The following HECW1 variants were observed in gnomAD, a reference collection of about 807,000 sequenced individuals.
HECW1 encodes the protein E3 ubiquitin-protein ligase HECW1.
Under a neutral mutation model 182.3 loss-of-function variants are expected in HECW1, and 61 were observed. That is an observed-to-expected ratio of 0.33 (90% CI 0.27 to 0.41). The LOEUF is 0.41. Ranked by LOEUF, HECW1 falls within the 10% of genes least tolerant of loss-of-function variation. The pLI is 1.00. For missense variants in HECW1, 1,739 were observed against 2,108.9 expected (o/e 0.82, Z 3.44); for synonymous variants, 859 against 832.6 (o/e 1.03, Z -0.55).
intron 2 of HECW1, among the ~76,000 whole-genome samples, chr7:43,222,919 T>G (rs1797109229): frequency 6.6e-6 from 1 of 152,214 alleles, no homozygotes; most frequent in Non-Finnish European, 1.5e-5. Flanking sequence ...ACATACATTT[T>G]CATTTCCATC....
At chr7:43,472,431 T>C (rs930933227) in intron 16 of HECW1, among the ~76,000 whole-genome samples, 1 of 152,184 alleles carries the variant, frequency 6.6e-6, no homozygotes, top group Non-Finnish European at 1.5e-5. Flanking sequence ...AACAGAAATC[T>C]TTGTTTTGCT....
In HECW1 at chr7:43,493,246, A is replaced by T. The variant is rs769649740; in HGVS notation, c.3437+66A>T. 6.9e-6 allele frequency: 7 copies of T among 1,008,680 alleles called. No individual in the cohort carries two copies. The Middle Eastern group carries it at 6.3e-4, about 90-fold the overall frequency. 62.5% of individuals were successfully genotyped at this position (1,008,680 alleles called of 1,614,324 possible). A position where few individuals can be genotyped will look rare whatever the true frequency, so the allele number is the denominator to read the frequency against. ...CAGCCATTTTTCCCGGTGGGAAAAC[A>T]CCTCTGTGGAGACAGAGCGGAAGCT... On this transcript the variant is annotated intron_variant, in intron 19 of 29. Coordinates refer to ENST00000395891, the MANE Select transcript of HECW1 (RefSeq NM_015052.5).
At chr7:43,504,939 T>C (rs1264040723) in intron 21 of HECW1, among the ~76,000 whole-genome samples, 1 of 152,186 alleles carries the variant, frequency 6.6e-6, no homozygotes, top group Non-Finnish European at 1.5e-5. Context: ...GGCCACCCAA[T>C]CCAGCGGGCA....
intron 2 of HECW1, among the ~76,000 whole-genome samples, chr7:43,234,205 C>T (rs1323842998): frequency 2.0e-5 from 3 of 152,140 alleles, no homozygotes; most frequent in Admixed American, 6.5e-5. Context: ...TTCACACCAC[C>T]GTGTCTGGCC....
At chr7:43,507,863 C>A (rs570188505) in intron 22 of HECW1, among the ~76,000 whole-genome samples, 155 bp from the exon 23 acceptor site, 1 of 152,262 alleles carries the variant, frequency 6.6e-6, no homozygotes, top group Non-Finnish European at 1.5e-5. Flanking sequence ...TTCAGATAAT[C>A]CCTCGATGAA....
chr7:43,328,678 A>G (rs1350549811), intron 5 of HECW1, among the ~76,000 whole-genome samples: 2 of 152,228 alleles, frequency 1.3e-5, no homozygotes, highest in African/African-American at 4.8e-5. Context: ...ATAACAAAGC[A>G]TGACTGAGCG....
chr7:43,401,181 C>A (rs1364056133), intron 7 of HECW1, among the ~76,000 whole-genome samples: 1 of 152,160 alleles, frequency 6.6e-6, no homozygotes, highest in African/African-American at 2.4e-5. Flanking sequence ...CTGTCTACCG[C>A]AGTCAAGAAG....
At chr7:43,427,496 T>A (rs906359041) in intron 8 of HECW1, among the ~76,000 whole-genome samples, 5 of 152,354 alleles carry the variant, frequency 3.3e-5, no homozygotes, top group Middle Eastern at 3.4e-3. Flanking sequence ...AACAAATAAC[T>A]GCATATTTGT....
At chr7:43,341,626 A>T (rs1813010244) in intron 5 of HECW1, among the ~76,000 whole-genome samples, 1 of 151,856 alleles carries the variant, frequency 6.6e-6, no homozygotes, top group South Asian at 2.1e-4. Flanking sequence ...GCAAATGTGA[A>T]ATTCTTAAAA....
At chr7:43,472,478 G>T (rs574961806) in intron 16 of HECW1, among the ~76,000 whole-genome samples, 12 of 152,172 alleles carry the variant, frequency 7.9e-5, no homozygotes, top group African/African-American at 2.9e-4. Flanking sequence ...ATCGTGCCTA[G>T]TATATAGTTG....
At chr7:43,399,214 T>C (rs2075325862) in intron 7 of HECW1, among the ~76,000 whole-genome samples, 1 of 152,186 alleles carries the variant, frequency 6.6e-6, no homozygotes, top group East Asian at 1.9e-4. Flanking sequence ...GTTTCAAAGG[T>C]AAACCATAAA....
rs7806590 is a variant in HECW1, at chr7:43,318,162, C to A, written c.353-2473C>A. 4.6e-5 allele frequency among the ~76,000 whole-genome samples: 7 copies of A among 152,052 alleles called. 1 individual carries two copies. The highest frequency in any genetic ancestry group is 1.7e-4 in the African/African-American group (7 of 41,522). On this transcript the variant is annotated intron_variant, in intron 4 of 29. Coordinates refer to ENST00000395891, the MANE Select transcript of HECW1 (RefSeq NM_015052.5). ...TGTTATTGTCTATAAATCCCTGACC[C>A]TGACTATTAAAGGGAATATCCCAGT... is the stretch of plus-strand genomic sequence containing the variant.
chr7:43,305,394 T>G (rs1807418051), intron 3 of HECW1, among the ~76,000 whole-genome samples: 1 of 102,050 alleles, frequency 9.8e-6, no homozygotes, highest in Non-Finnish European at 1.7e-5. Context: ...GAATCTCAAT[T>G]ACTGCAATTC....
chr7:43,247,845 G>GAAGA (rs2152723322), intron 3 of HECW1, among the ~76,000 whole-genome samples: 1 of 115,556 alleles, frequency 8.7e-6, no homozygotes, highest in African/African-American at 5.2e-5. Context: ...AAGGAAGGAA[G>GAAGA]AAGGAAGGAA....
intron 6 of HECW1, among the ~76,000 whole-genome samples, chr7:43,386,143 C>A (rs1237572281): frequency 2.0e-5 from 3 of 152,222 alleles, no homozygotes; most frequent in East Asian, 3.8e-4. Flanking sequence ...GTGTGTCAAA[C>A]CCTTCTCACC....
chr7:43,541,465 G>A (rs2081361767), intron 25 of HECW1, among the ~76,000 whole-genome samples: 1 of 152,166 alleles, frequency 6.6e-6, no homozygotes, highest in African/African-American at 2.4e-5. Context: ...TGTTGTTGTT[G>A]TAAGGGAAGA....
intron 21 of HECW1, among the ~76,000 whole-genome samples, chr7:43,506,098 G>C (rs944532283): frequency 1.3e-5 from 2 of 152,174 alleles, no homozygotes; most frequent in African/African-American, 4.8e-5. Context: ...TCTATGTAGA[G>C]TTAGTGAATT....
intron 3 of HECW1, among the ~76,000 whole-genome samples, chr7:43,258,930 TTTTTGTTTTG>T (rs1164294545): frequency 6.6e-6 from 1 of 152,206 alleles, no homozygotes; most frequent in South Asian, 2.1e-4. Flanking sequence ...CAGTTTGTTT[TTTTTGTTTTG>T]TTTTGTTTTG....
chr7:43,352,109 C>T (rs1023100895), intron 5 of HECW1, among the ~76,000 whole-genome samples: 1 of 152,096 alleles, frequency 6.6e-6, no homozygotes, highest in African/African-American at 2.4e-5. Flanking sequence ...AGAAACAACC[C>T]CAAATCCTGG....
Sources: allele counts gnomAD v4.1 joint callset (sites outside exome capture counted in the v4.1 genomes callset), GRCh38; gene constraint gnomAD v4.1.1; transcripts MANE v1.5; gene names NCBI Gene and HGNC (gene_info 2026-07-23, HGNC 2026-07-21).